Variants in TMEM42 observed in about 807,000 individuals in gnomAD.
TMEM42 encodes the protein transmembrane protein 42.
A neutral mutation model predicts 14.0 loss-of-function variants in TMEM42; 8 were observed. That is an observed-to-expected ratio of 0.57 (90% CI 0.34 to 1.03). The LOEUF (loss-of-function observed/expected upper bound fraction) is 1.03. Among genes scored for constraint, TMEM42 ranks in the 50% least tolerant of loss-of-function variants. The pLI is 0.03. For synonymous variants in TMEM42, 115 were observed against 94.3 expected (o/e 1.22, Z -1.27); for missense variants, 211 against 219.8 (o/e 0.96, Z 0.25).
intron 2 of TMEM42, 36 bp from the exon 3 acceptor site, chr3:44,865,004 G>A (rs369514509): frequency 9.3e-6 from 15 of 1,610,350 alleles, no homozygotes; most frequent in Non-Finnish European, 1.3e-5. Flanking sequence ...CCCACCTGCT[G>A]AAGTTGAGTC....
In TMEM42 at chr3:44,861,920, G is replaced by A. The variant is rs963563241; in HGVS notation, c.-5G>A. On this transcript the variant is annotated 5_prime_UTR_variant, in exon 1 of 3. Coordinates refer to ENST00000302392, the MANE Select transcript of TMEM42 (RefSeq NM_144638.3). ...CGGGTGCCAGGCACGGTGTCAGCAG[G>A]CAACATGGCCGAGAGGCCGGGGCCT... 1.0e-5 allele frequency: 15 copies of A among 1,459,062 alleles called. No homozygotes were observed. The highest frequency in any genetic ancestry group is 1.4e-5 in the Non-Finnish European group (15 of 1,109,744). 90.4% of individuals were successfully genotyped at this position (1,459,062 alleles called of 1,614,324 possible).
chr3:44,864,977 A>G, intron 2 of TMEM42, 63 bp from the exon 3 acceptor site: 10 of 1,602,282 alleles, frequency 6.2e-6, no homozygotes. Flanking sequence ...AGTCAGTCCC[A>G]GGAGAGTGAG....
chr3:44,862,103 C>T lies in TMEM42; in HGVS notation c.179C>T (p.Ala60Val), dbSNP rs1699261132. 4.0e-6 allele frequency: 5 copies of T among 1,254,296 alleles called. No homozygotes were observed. The East Asian group carries it at 1.6e-4, about 39-fold the overall frequency. 77.7% of individuals were successfully genotyped at this position (1,254,296 alleles called of 1,614,324 possible). A position where few individuals can be genotyped will look rare whatever the true frequency, so the allele number is the denominator to read the frequency against. ...GALAAASAKL[A>V]FGSEVSMGLC... ...CTGGCCGCCGCCTCCGCCAAGCTGG[C>T]CTTCGGCAGCGAGGTCGAGCCCGGG... The change falls in exon 1 of 3, where the codon GCC becomes GTC. Residue 60 changes from alanine to valine, a missense_variant. Coordinates refer to ENST00000302392, the MANE Select transcript of TMEM42 (RefSeq NM_144638.3).
rs773243488 is a variant in TMEM42 at position 44,865,229 on chromosome 3, G to A, written c.*49G>A. ...CTGGAAAGATCATGATGGTGGCCCA[G>A]CCTTGGGATGTCATGTGGGACTGTA... On this transcript the variant is annotated 3_prime_UTR_variant, in exon 3 of 3. Transcript: ENST00000302392. The A allele has an allele frequency of 8.7e-6, 14 of 1,611,468 alleles. No homozygotes were observed. Among genetic ancestry groups the A allele is most frequent in the Non-Finnish European group, 1.0e-5 (12 of 1,177,964 alleles).
intron 1 of TMEM42, 43 bp downstream of exon 1, chr3:44,862,159 G>A (rs1699262853): frequency 8.2e-6 from 9 of 1,101,302 alleles, no homozygotes; most frequent in Non-Finnish European, 1.0e-5. Flanking sequence ...GCGGGCGGGC[G>A]GGCGGGGCGC....
Position 44,865,426 on chromosome 3 carries a change from T to C in TMEM42, c.*246T>C, listed in dbSNP as rs1699310644. On this transcript the variant is annotated 3_prime_UTR_variant, in exon 3 of 3. Coordinates refer to ENST00000302392, the MANE Select transcript of TMEM42 (RefSeq NM_144638.3). ...ATTCTTCCTCCCAGGCCTACCCCAG[T>C]GAGCCTTCGCAGATGCTGGAGATCC... The C allele has an allele frequency of 8.1e-6, 4 of 496,520 alleles. No homozygotes were observed. The South Asian group carries it at 1.1e-4, about 13-fold the overall frequency. 30.8% of individuals were successfully genotyped at this position (496,520 alleles called of 1,614,324 possible).
In TMEM42 at chr3:44,864,188, C is replaced by G. The variant is rs138103466; in HGVS notation, c.193-9C>G. 16 of 1,613,670 alleles carry G rather than the reference C, an allele frequency of 9.9e-6. No homozygotes were observed. Among genetic ancestry groups the G allele is most frequent in the Non-Finnish European group, 1.1e-5 (13 of 1,179,948 alleles). ...GTGGACGTGGCTGCAGTGACACTTT[C>G]TCCTGCAGGTGAGCATGGGTTTATG... On this transcript the variant is annotated splice_polypyrimidine_tract_variant and intron_variant, in intron 1 of 2. Coordinates refer to ENST00000302392, the MANE Select transcript of TMEM42 (RefSeq NM_144638.3).
chr3:44,861,978 T>G lies in TMEM42; in HGVS notation c.54T>G (p.Pro18=). The change falls in exon 1 of 3, where the codon CCT becomes CCG. Residue 18 remains proline, a synonymous_variant. Coordinates refer to ENST00000302392, the MANE Select transcript of TMEM42 (RefSeq NM_144638.3). ...GCGCCGTGTCCGCGACCGCGTACCC[T>G]GACACCCCCGCGGAATTCCCTCCGC... is the stretch of plus-strand genomic sequence containing the variant. The part of the protein sequence containing the change: ...PGGAVSATAY[P]DTPAEFPPHL... 42 of 1,387,472 alleles carry G rather than the reference T, an allele frequency of 3.0e-5. No individual in the cohort carries two copies. The highest frequency in any genetic ancestry group is 3.8e-5 in the Non-Finnish European group (41 of 1,071,038). 85.9% of individuals were successfully genotyped at this position (1,387,472 alleles called of 1,614,324 possible).
chr3:44,864,941 C>G, intron 2 of TMEM42, 99 bp from the exon 3 acceptor site: 1 of 1,517,126 alleles, frequency 6.6e-7, no homozygotes, highest in Non-Finnish European at 9.0e-7. Flanking sequence ...GGCTCCAGAC[C>G]TTTCCTCCTG....
At position 44,864,736 on chromosome 3, in the gene TMEM42, G is replaced by A. The variant is rs558087710; in HGVS notation, c.340-304G>A. Among the ~76,000 whole-genome samples, 28 of 152,228 alleles carry A rather than the reference G, an allele frequency of 1.8e-4. 1 individual carries two copies. Among genetic ancestry groups the A allele is most frequent in the African/African-American group, 9.6e-5 (4 of 41,532 alleles). Reference sequence around the variant, plus strand: ...TGAGGTTGACAAGATGGAGCTGAGCGTAGTCAATCTTGAGTTGAGGGAGAA... The same window carrying A: ...TGAGGTTGACAAGATGGAGCTGAGCATAGTCAATCTTGAGTTGAGGGAGAA... On this transcript the variant is annotated intron_variant, in intron 2 of 2. Transcript: ENST00000302392.
At position 44,861,938 on chromosome 3, in the gene TMEM42, C is replaced by T. The variant is rs559908499; in HGVS notation, c.14C>T (p.Pro5Leu). MAER[P>L]GPPGGAVSAT... is the part of the protein sequence containing the mutation. ...TCAGCAGGCAACATGGCCGAGAGGC[C>T]GGGGCCTCCGGGCGGCGCCGTGTCC... The change falls in exon 1 of 3, where the codon CCG (proline) becomes CTG (leucine). Residue 5 changes from proline to leucine, a missense_variant. Physicochemically the swap from Pro to Leu is moderately conservative, Grantham distance 98. Coordinates refer to ENST00000302392, the MANE Select transcript of TMEM42 (RefSeq NM_144638.3). The T allele has an allele frequency of 4.0e-5, 57 of 1,421,374 alleles. No homozygotes were observed. The African/African-American group carries it at 8.0e-4, about 20-fold the overall frequency. The allele number at this position is 1,421,374 out of a possible 1,614,324, so 88.0% of individuals were successfully genotyped here.
chr3:44,865,159 C>T lies in TMEM42; in HGVS notation c.459C>T (p.Pro153=). The change falls in exon 3 of 3, where the codon CCC becomes CCT. Residue 153 remains proline, a synonymous_variant. Transcript: ENST00000302392. The stretch of plus-strand genomic sequence containing the variant: ...GGAAGCTCCCACCCACCTGGAAGCC[C>T]CTTCCACACAAGCAGCAGTAGCACC... The part of the protein sequence containing the change: ...IHRKLPPTWK[P]LPHKQQ 1.2e-6 allele frequency: 2 copies of T among 1,614,144 alleles called. No homozygotes were observed. The highest frequency in any genetic ancestry group is 2.2e-5 in the South Asian group (2 of 91,078).
At position 44,865,110 on chromosome 3, in the gene TMEM42, T is replaced by C. The variant is rs374326665; in HGVS notation, c.410T>C (p.Leu137Pro). ...VLWWGGVFLI[L>P]CGLTLIHRKL... ...TGGTGGGGAGGAGTGTTCCTTATTC[T>C]CTGCGGACTCACCCTAATCCACAGG... Residue 137 changes from leucine (L) to proline (P), a missense_variant, in exon 3 of 3, where the codon CTC (leucine) becomes CCC (proline). Physicochemically the swap from Leu to Pro is moderately conservative, Grantham distance 98. Coordinates refer to ENST00000302392, the MANE Select transcript of TMEM42 (RefSeq NM_144638.3). 5.2e-5 allele frequency: 84 copies of C among 1,614,024 alleles called. No homozygotes were observed. The highest frequency in any genetic ancestry group is 6.8e-5 in the Non-Finnish European group (80 of 1,180,010).
intron 1 of TMEM42, 31 bp from the exon 2 acceptor site, chr3:44,864,166 G>A: frequency 6.2e-7 from 1 of 1,612,424 alleles, no homozygotes; most frequent in Non-Finnish European, 8.5e-7. Context: ...GCCCAGGGTG[G>A]ACGTGGCTGC....
Position 44,864,382 on chromosome 3 carries a change from T to A in TMEM42, c.339+39T>A, listed in dbSNP as rs1421552979. ...GGGTGTGGTGCTCTTGTCCTAAATC[T>A]GGGTTCTGGGTGAGTTGTCTTTGGA... On this transcript the variant is annotated intron_variant, in intron 2 of 2. Transcript: ENST00000302392. The A allele has an allele frequency of 2.5e-6, 4 of 1,612,532 alleles. No homozygotes were observed. In the East Asian group the frequency reaches 8.9e-5, roughly 36 times the overall value.
At position 44,864,275 on chromosome 3, in the gene TMEM42, G is replaced by A. The variant is rs899977484; in HGVS notation, c.271G>A (p.Gly91Ser). 3.7e-6 allele frequency: 6 copies of A among 1,614,158 alleles called. No homozygotes were observed. Among genetic ancestry groups the A allele is most frequent in the Non-Finnish European group, 5.1e-6 (6 of 1,180,030 alleles). ...TCTGATGTGGACCTTCTTTAGCCGGGGCCTCAGTTTCTCCATGTCTTCAGC... is the reference window on the plus strand; with the variant it reads ...TCTGATGTGGACCTTCTTTAGCCGGAGCCTCAGTTTCTCCATGTCTTCAGC... ...NSLMWTFFSR[G>S]LSFSMSSAIA... Residue 91 changes from glycine to serine, a missense_variant, in exon 2 of 3, where the codon GGC (glycine) becomes AGC (serine). Transcript: ENST00000302392.
Position 44,864,353 on chromosome 3 carries a change from C to G in TMEM42, c.339+10C>G. 6.2e-7 allele frequency: 1 copy of G among 1,614,012 alleles called. No homozygotes were observed. Among genetic ancestry groups the G allele is most frequent in the Non-Finnish European group, 8.5e-7 (1 of 1,179,986 alleles). On this transcript the variant is annotated intron_variant, in intron 2 of 2. Transcript: ENST00000302392. Reference sequence around the variant, plus strand: ...AAATATCCTCAGCTCGGTGAGTAGCCTGAGGGTGTGGTGCTCTTGTCCTAA... The same window carrying G: ...AAATATCCTCAGCTCGGTGAGTAGCGTGAGGGTGTGGTGCTCTTGTCCTAA...
At position 44,865,351 on chromosome 3, in the gene TMEM42, T is replaced by C. The variant is rs1575703677; in HGVS notation, c.*171T>C. 12 of 804,966 alleles carry C rather than the reference T, an allele frequency of 1.5e-5. No individual in the cohort carries two copies. The highest frequency in any genetic ancestry group is 2.6e-5 in the Admixed American group (1 of 38,058). 49.9% of individuals were successfully genotyped at this position (804,966 alleles called of 1,614,324 possible). ...CTGGCTCTGTAAGGAGAGGTGCAGC[T>C]GCAGCAGTGTTCTACCGGAAGTGTT... On this transcript the variant is annotated 3_prime_UTR_variant, in exon 3 of 3. Coordinates refer to ENST00000302392, the MANE Select transcript of TMEM42 (RefSeq NM_144638.3).
chr3:44,862,078 C>T lies in TMEM42; in HGVS notation c.154C>T (p.Leu52=). The change falls in exon 1 of 3, where the codon CTG becomes TTG. Residue 52 remains leucine (L), a synonymous_variant. Coordinates refer to ENST00000302392, the MANE Select transcript of TMEM42 (RefSeq NM_144638.3). ...NCLCAGAFGA[L]AAASAKLAFG... is the part of the protein sequence containing the mutation. The stretch of plus-strand genomic sequence containing the variant: ...TCTGTGCGCCGGCGCGTTCGGGGCC[C>T]TGGCCGCCGCCTCCGCCAAGCTGGC... 1.8e-6 allele frequency: 2 copies of T among 1,141,284 alleles called. No individual in the cohort carries two copies. The highest frequency in any genetic ancestry group is 3.0e-4 in the Middle Eastern group (1 of 3,306). 70.7% of individuals were successfully genotyped at this position (1,141,284 alleles called of 1,614,324 possible). A position where few individuals can be genotyped will look rare whatever the true frequency, so the allele number is the denominator to read the frequency against.
Sources: gnomAD v4.1 joint callset for allele counts (sites outside exome capture counted in the v4.1 genomes callset) on GRCh38, gnomAD v4.1.1 for gene constraint, MANE v1.5 for transcripts, NCBI Gene and HGNC (gene_info 2026-07-23, HGNC 2026-07-21) for gene names.